FAXC: variants seen among roughly 807,000 people sequenced by gnomAD.
FAXC encodes the protein failed axon connections homolog, metaxin like GST domain containing.
A neutral mutation model predicts 41.9 loss-of-function variants in FAXC; 10 were observed. That is an observed-to-expected ratio of 0.24 (90% confidence interval 0.15 to 0.41). FAXC has a LOEUF of 0.41. Ranked by LOEUF, FAXC falls within the 10% of genes least tolerant of loss-of-function variation. The pLI is 1.00. For missense variants in FAXC, 399 were observed against 510.9 expected, an observed-to-expected ratio of 0.78 and a Z score of 2.11; for synonymous variants, 183 against 183.8, an observed-to-expected ratio of 1.00 and a Z score of 0.03.
At chr6:99,350,052 C>G (rs992021759), upstream of FAXC, 2 of 152,312 alleles carry the variant, frequency 1.3e-5, no homozygotes, top group African/African-American at 4.8e-5. Context: ...GAGACGCCAC[C>G]AGGCGGGGGC....
In FAXC at chr6:99,276,720, C is replaced by T. The variant is rs1362326167; in HGVS notation, c.*4444G>A. On this transcript the variant is annotated 3_prime_UTR_variant, in exon 6 of 6. Transcript: ENST00000389677. ...GACTCTTTAACTGGGGTCCATTAAC[C>T]CCCTGAGGAAACCATGGATAATTTC... 6.6e-6 allele frequency: 1 copy of T among 152,088 alleles called. No individual in the cohort carries two copies. The highest frequency in any genetic ancestry group is 6.5e-5 in the Admixed American group (1 of 15,274). 9.4% of individuals were successfully genotyped at this position (152,088 alleles called of 1,614,324 possible).
At chr6:99,307,105 TA>T (rs1771954679) in intron 4 of FAXC, among the ~76,000 whole-genome samples, 1 of 152,190 alleles carries the variant, frequency 6.6e-6, no homozygotes, top group Non-Finnish European at 1.5e-5. Context: ...AGAAGCTTCC[TA>T]CTTCCAAAAA....
intron 2 of FAXC, among the ~76,000 whole-genome samples, chr6:99,342,274 C>A (rs537122432): frequency 2.6e-5 from 4 of 152,266 alleles, no homozygotes; most frequent in African/African-American, 9.6e-5. Flanking sequence ...AAGTAAAAAA[C>A]CACATCAGGC....
intron 2 of FAXC, among the ~76,000 whole-genome samples, chr6:99,337,175 AAGG>A (rs1251426300): frequency 6.6e-6 from 1 of 152,104 alleles, no homozygotes; most frequent in African/African-American, 2.4e-5. Flanking sequence ...GGGGAAAGCA[AAGG>A]AGGAGACATT....
chr6:99,345,399 T>C (rs6917584), intron 1 of FAXC, among the ~76,000 whole-genome samples: 75,651 of 152,066 alleles, frequency 0.5, 19,151 homozygotes, highest in South Asian at 0.63. Flanking sequence ...GAGCTTACTG[T>C]CATATCCAAG....
chr6:99,326,048 A>C (rs896245635), intron 3 of FAXC, among the ~76,000 whole-genome samples: 12 of 152,240 alleles, frequency 7.9e-5, no homozygotes, highest in Admixed American at 7.2e-4. Context: ...TACAGGCTGC[A>C]TTTGAGGAAG....
intron 4 of FAXC, among the ~76,000 whole-genome samples, chr6:99,295,499 A>AC (rs113705957): frequency 0.011 from 1,732 of 152,030 alleles, 42 homozygotes; most frequent in African/African-American, 0.039. Context: ...AAAAAGGCTG[A>AC]CCCCTCACCT....
At chr6:99,316,936 C>T (rs1401834965) in intron 4 of FAXC, among the ~76,000 whole-genome samples, 1 of 152,156 alleles carries the variant, frequency 6.6e-6, no homozygotes, top group African/African-American at 2.4e-5. Context: ...TTTTTACTGC[C>T]TTTGAAGGGA....
chr6:99,276,109 G>C lies in FAXC; in HGVS notation c.*5055C>G, dbSNP rs1218007942. 1.3e-5 allele frequency: 2 copies of C among 151,180 alleles called. No homozygotes were observed. Among genetic ancestry groups the C allele is most frequent in the Non-Finnish European group, 2.9e-5 (2 of 67,904 alleles). 9.4% of individuals were successfully genotyped at this position (151,180 alleles called of 1,614,324 possible). A position where few individuals can be genotyped will look rare whatever the true frequency, so the allele number is the denominator to read the frequency against. ...CATATAAAGGAGAACAAAGGATCCT[G>C]GGTCATAGTCAGGAACAATAAAATA... On this transcript the variant is annotated 3_prime_UTR_variant, in exon 6 of 6. Transcript: ENST00000389677.
At chr6:99,335,863 A>G (rs1341225684) in intron 2 of FAXC, among the ~76,000 whole-genome samples, 2 of 152,188 alleles carry the variant, frequency 1.3e-5, no homozygotes, top group Non-Finnish European at 2.9e-5. Flanking sequence ...TTTCATGATC[A>G]ACAATTATAT....
Position 99,272,644 on chromosome 6 carries a change from G to A in FAXC, c.*8520C>T, listed in dbSNP as rs1770455572. 6.6e-6 allele frequency: 1 copy of A among 152,172 alleles called. No individual in the cohort carries two copies. The highest frequency in any genetic ancestry group is 2.4e-5 in the African/African-American group (1 of 41,444). The allele number at this position is 152,172 out of a possible 1,614,324, so 9.4% of individuals were successfully genotyped here. A position where few individuals can be genotyped will look rare whatever the true frequency, so the allele number is the denominator to read the frequency against. On this transcript the variant is annotated 3_prime_UTR_variant, in exon 6 of 6. Coordinates refer to ENST00000389677, the MANE Select transcript of FAXC (RefSeq NM_032511.4). ...CACACTGGGCATGAAATAAAAGCAGGAGAGGATGGGACAGCATATTCCAGA... is the reference window on the plus strand; with the variant it reads ...CACACTGGGCATGAAATAAAAGCAGAAGAGGATGGGACAGCATATTCCAGA...
Position 99,278,386 on chromosome 6 carries a change from C to T in FAXC, c.*2778G>A, listed in dbSNP as rs1770704257. The T allele has an allele frequency of 6.6e-6, 1 of 152,098 alleles. No individual in the cohort carries two copies. The highest frequency in any genetic ancestry group is 1.5e-5 in the Non-Finnish European group (1 of 68,018). The allele number at this position is 152,098 out of a possible 1,614,324, so 9.4% of individuals were successfully genotyped here. On this transcript the variant is annotated 3_prime_UTR_variant, in exon 6 of 6. Transcript: ENST00000389677. ...ACGAATAGCCTATGGGTCTGTTGTC[C>T]AACCAAAAGCATCTGTTAACATTAA...
intron 4 of FAXC, among the ~76,000 whole-genome samples, chr6:99,292,389 T>C (rs1771280919): frequency 6.6e-6 from 1 of 152,150 alleles, no homozygotes; most frequent in Non-Finnish European, 1.5e-5. Context: ...AGCTATGAGG[T>C]CACAGGCTCA....
At chr6:99,339,162 G>T (rs963657258) in intron 2 of FAXC, among the ~76,000 whole-genome samples, 1 of 152,208 alleles carries the variant, frequency 6.6e-6, no homozygotes, top group Non-Finnish European at 1.5e-5. Flanking sequence ...GCAGGCAAAA[G>T]CTTGGCTGAG....
intron 4 of FAXC, among the ~76,000 whole-genome samples, chr6:99,315,261 AACC>A (rs1562169327): frequency 5.3e-4 from 21 of 39,630 alleles, no homozygotes; most frequent in South Asian, 1.0e-3. Context: ...AAAAAAAAAA[AACC>A]AGTAAATGTC....
chr6:99,346,265 C>T (rs191109100), intron 1 of FAXC, among the ~76,000 whole-genome samples: 234 of 152,184 alleles, frequency 1.5e-3, no homozygotes, highest in Non-Finnish European at 2.7e-3. Flanking sequence ...TTCCCTTTGC[C>T]CCTCCACTCC....
intron 2 of FAXC, among the ~76,000 whole-genome samples, chr6:99,342,161 G>T (rs1457765778): frequency 6.6e-6 from 1 of 152,236 alleles, no homozygotes; most frequent in Admixed American, 6.5e-5. Context: ...CTGTGGAAAA[G>T]CTCTCACCAC....
intron 2 of FAXC, among the ~76,000 whole-genome samples, chr6:99,336,308 G>T (rs1378543169): frequency 1.3e-5 from 2 of 151,652 alleles, no homozygotes; most frequent in Non-Finnish European, 2.9e-5. Flanking sequence ...TTGAGACAGG[G>T]TCTCGCTGTG....
At chr6:99,317,943 A>C (rs1772426599) in intron 4 of FAXC, among the ~76,000 whole-genome samples, 1 of 151,886 alleles carries the variant, frequency 6.6e-6, no homozygotes, top group African/African-American at 2.4e-5. Context: ...TACACAGCAC[A>C]CAGAATCACA....
Sources: gnomAD v4.1 joint callset for allele counts (sites outside exome capture counted in the v4.1 genomes callset) on GRCh38, gnomAD v4.1.1 for gene constraint, MANE v1.5 for transcripts, NCBI Gene and HGNC (gene_info 2026-07-23, HGNC 2026-07-21) for gene names.